Variants in ASTN2 observed in about 807,000 individuals in gnomAD.
ASTN2 encodes astrotactin-2.
A neutral mutation model predicts 139.8 loss-of-function variants in ASTN2; 54 were observed. The observed-to-expected ratio is 0.39, with a 90% CI of 0.31 to 0.48. The LOEUF (loss-of-function observed/expected upper bound fraction) is 0.48, where lower values mean the gene tolerates loss of function less well. ASTN2 is among the 20% of genes least tolerant of loss of function. ASTN2 has a pLI of 0.95. For synonymous variants in ASTN2, 756 were observed against 719.5 expected, an observed-to-expected ratio of 1.05 and a Z score of -0.81; for missense variants, 1,565 against 1,725.1, an observed-to-expected ratio of 0.91 and a Z score of 1.64.
At chr9:117,284,287 T>C (rs986503117) in intron 2 of ASTN2, among the ~76,000 whole-genome samples, 4 of 152,162 alleles carry the variant, frequency 2.6e-5, no homozygotes, top group African/African-American at 9.7e-5. Flanking sequence ...GTATTTTTGC[T>C]ATAGACAGGG....
chr9:116,602,622 G>T (rs1411474868), intron 19 of ASTN2, among the ~76,000 whole-genome samples: 1 of 152,104 alleles, frequency 6.6e-6, no homozygotes, highest in Admixed American at 6.6e-5. Flanking sequence ...GGAAAATAGG[G>T]TATTATGGGT....
intron 5 of ASTN2, among the ~76,000 whole-genome samples, chr9:117,081,394 C>A (rs191843564): frequency 6.6e-6 from 1 of 152,274 alleles, no homozygotes; most frequent in East Asian, 1.9e-4. Flanking sequence ...TACACCCTCT[C>A]CTACAACAGT....
intron 20 of ASTN2, among the ~76,000 whole-genome samples, chr9:116,455,348 C>CAAAAA (rs34816182): frequency 2.4e-5 from 3 of 123,778 alleles, no homozygotes; most frequent in Non-Finnish European, 3.4e-5. Flanking sequence ...GATTCTGTCT[C>CAAAAA]AAAAAAAAAA....
At chr9:117,197,274 C>T (rs919528270) in intron 3 of ASTN2, 2 of 152,252 alleles carry the variant, frequency 1.3e-5, no homozygotes, top group Non-Finnish European at 2.9e-5. Context: ...GGATAACCAT[C>T]TCTGACAGAG....
chr9:117,022,123 C>A (rs372870365), intron 6 of ASTN2, among the ~76,000 whole-genome samples: 1 of 152,246 alleles, frequency 6.6e-6, no homozygotes, highest in East Asian at 1.9e-4. Context: ...TTTAGCCACA[C>A]ATGGATATAT....
intron 11 of ASTN2, among the ~76,000 whole-genome samples, chr9:116,846,488 A>C (rs1832435687): frequency 6.6e-6 from 1 of 152,176 alleles, no homozygotes; most frequent in Non-Finnish European, 1.5e-5. Flanking sequence ...GAGAGAGATA[A>C]GCCATGTTTC....
At chr9:116,812,397 A>C (rs1326053459) in intron 12 of ASTN2, among the ~76,000 whole-genome samples, 1 of 152,168 alleles carries the variant, frequency 6.6e-6, no homozygotes, top group Non-Finnish European at 1.5e-5. Flanking sequence ...GAGGAAATGC[A>C]ACTTAGAAGC....
chr9:116,549,755 C>A (rs962717896), intron 19 of ASTN2, among the ~76,000 whole-genome samples: 3 of 152,132 alleles, frequency 2.0e-5, no homozygotes, highest in African/African-American at 7.2e-5. Context: ...TGTTTGATGC[C>A]CATTTCCACT....
At chr9:117,344,109 G>A (rs1406485135) in intron 1 of ASTN2, among the ~76,000 whole-genome samples, 1 of 151,968 alleles carries the variant, frequency 6.6e-6, no homozygotes, top group Non-Finnish European at 1.5e-5. Flanking sequence ...GGGGAGGTGG[G>A]AAAGGAGATC....
At chr9:117,199,696 T>A in intron 3 of ASTN2, among the ~76,000 whole-genome samples, 1 of 152,182 alleles carries the variant, frequency 6.6e-6, no homozygotes, top group African/African-American at 2.4e-5. Flanking sequence ...GGGAATAGCA[T>A]TGAAGCTATA....
intron 1 of ASTN2, among the ~76,000 whole-genome samples, chr9:117,349,632 GC>G (rs1256351444): frequency 6.6e-6 from 1 of 152,126 alleles, no homozygotes; most frequent in African/African-American, 2.4e-5. Context: ...GAGCTTAATT[GC>G]CCTCTCCTTC....
chr9:117,018,871 T>G (rs1453687480), intron 6 of ASTN2, among the ~76,000 whole-genome samples: 2 of 152,116 alleles, frequency 1.3e-5, no homozygotes, highest in Non-Finnish European at 2.9e-5. Context: ...TTACTTTTAT[T>G]CCCATTGTAC....
chr9:116,943,147 AGGAGCTCATAGACTGAAG>A (rs1208697158), intron 10 of ASTN2, among the ~76,000 whole-genome samples: 8 of 152,224 alleles, frequency 5.3e-5, no homozygotes, highest in African/African-American at 1.9e-4. Flanking sequence ...CTAAACATCA[AGGAGCTCATAGACTGAAG>A]GGAAGGGGCA....
intron 2 of ASTN2, among the ~76,000 whole-genome samples, chr9:117,282,677 C>G (rs1278914989): frequency 1.4e-5 from 2 of 148,134 alleles, no homozygotes; most frequent in African/African-American, 5.3e-5. Context: ...AAGAGGCATC[C>G]TATATTTTTG....
chr9:117,349,749 G>T (rs1306888323), intron 1 of ASTN2, among the ~76,000 whole-genome samples: 1 of 152,118 alleles, frequency 6.6e-6, no homozygotes, highest in African/African-American at 2.4e-5. Context: ...CCAAATAAAT[G>T]ATGAAGACTA....
At chr9:117,139,810 T>C (rs1488915616) in intron 4 of ASTN2, among the ~76,000 whole-genome samples, 1 of 152,230 alleles carries the variant, frequency 6.6e-6, no homozygotes, top group Non-Finnish European at 1.5e-5. Context: ...TTCAGTGAAT[T>C]GTGACTGTGA....
chr9:117,350,067 G>A (rs1829340832), intron 1 of ASTN2, among the ~76,000 whole-genome samples: 1 of 152,154 alleles, frequency 6.6e-6, no homozygotes, highest in African/African-American at 2.4e-5. Context: ...CATGTACCAT[G>A]ATAATGTAAG....
chr9:116,506,427 C>G (rs1850111289), intron 19 of ASTN2, among the ~76,000 whole-genome samples: 1 of 152,156 alleles, frequency 6.6e-6, no homozygotes, highest in African/African-American at 2.4e-5. Context: ...TCCAAGCATG[C>G]CCTGGGAAAT....
chr9:116,586,073 A>G (rs1564134539), intron 19 of ASTN2: 1 of 152,218 alleles, frequency 6.6e-6, no homozygotes, highest in Non-Finnish European at 1.5e-5. Context: ...CATCAGAGAA[A>G]CAGAAATCAA....
Sources: allele counts gnomAD v4.1 joint callset (sites outside exome capture counted in the v4.1 genomes callset), GRCh38; gene constraint gnomAD v4.1.1; transcripts MANE v1.5; gene names NCBI Gene and HGNC (gene_info 2026-07-23, HGNC 2026-07-21).